Variants in GRID2 observed in about 807,000 individuals in gnomAD.
GRID2 encodes the protein glutamate ionotropic receptor delta type subunit 2.
A neutral mutation model predicts 114.8 loss-of-function variants in GRID2; 33 were observed. That is an observed-to-expected ratio of 0.29 (90% CI 0.22 to 0.38). The LOEUF is 0.38. GRID2 is among the 10% of genes least tolerant of loss of function. GRID2 has a pLI of 1.00. For synonymous variants in GRID2, 505 were observed against 449.9 expected, an observed-to-expected ratio of 1.12 and a Z score of -1.55; for missense variants, 1,184 against 1,257.7, an observed-to-expected ratio of 0.94 and a Z score of 0.89.
intron 2 of GRID2, among the ~76,000 whole-genome samples, chr4:92,760,237 C>CAAAAAAA (rs982301426): frequency 5.2e-4 from 20 of 38,356 alleles, no homozygotes; most frequent in Non-Finnish European, 9.5e-4. Context: ...GACTCTGTCT[C>CAAAAAAA]AAAAAAAAAA....
intron 1 of GRID2, among the ~76,000 whole-genome samples, chr4:92,506,542 A>G (rs1476762615): frequency 6.6e-6 from 1 of 152,010 alleles, no homozygotes; most frequent in African/African-American, 2.4e-5. Context: ...AAAGTTTGTC[A>G]TGACTATGAA....
chr4:93,792,872 C>T (rs1000922721), intron 1 of GRID2, among the ~76,000 whole-genome samples: 1 of 152,118 alleles, frequency 6.6e-6, no homozygotes, highest in Non-Finnish European at 1.5e-5. Flanking sequence ...TTTGTGAGTG[C>T]CAGCTGGAGG....
chr4:92,542,548 G>C (rs574131985), intron 1 of GRID2, among the ~76,000 whole-genome samples: 87 of 151,906 alleles, frequency 5.7e-4, no homozygotes, highest in African/African-American at 2.1e-3. Flanking sequence ...AACAAACATC[G>C]TATGTTCTCA....
chr4:93,088,391 A>T (rs1315105096), intron 3 of GRID2, among the ~76,000 whole-genome samples: 2 of 152,172 alleles, frequency 1.3e-5, no homozygotes, highest in Admixed American at 6.6e-5. Flanking sequence ...ATGAGATAAA[A>T]AGTATTACAA....
intron 2 of GRID2, among the ~76,000 whole-genome samples, chr4:92,963,149 GGA>G (rs1752930502): frequency 2.6e-5 from 4 of 152,126 alleles, no homozygotes; most frequent in African/African-American, 9.6e-5. Context: ...TTTTGCTGGT[GGA>G]GAGTCTTGCC....
At chr4:92,780,601 C>G (rs1302749983) in intron 2 of GRID2, among the ~76,000 whole-genome samples, 1 of 151,974 alleles carries the variant, frequency 6.6e-6, no homozygotes, top group Non-Finnish European at 1.5e-5. Flanking sequence ...CCTTTTATGC[C>G]TTTTGTAGCA....
chr4:92,791,905 T>C (rs1392498195), intron 2 of GRID2, among the ~76,000 whole-genome samples: 1 of 151,878 alleles, frequency 6.6e-6, no homozygotes, highest in Non-Finnish European at 1.5e-5. Flanking sequence ...GGTTCTTTAG[T>C]GTAGGGCCTC....
intron 2 of GRID2, among the ~76,000 whole-genome samples, chr4:92,965,542 G>A (rs1371130503): frequency 1.4e-5 from 2 of 144,646 alleles, no homozygotes; most frequent in Admixed American, 1.4e-4. Context: ...AATGAGGTAT[G>A]GCTATATCTG....
At chr4:92,424,503 A>T (rs1056623067) in intron 1 of GRID2, among the ~76,000 whole-genome samples, 1 of 152,056 alleles carries the variant, frequency 6.6e-6, no homozygotes, top group Non-Finnish European at 1.5e-5. Flanking sequence ...AGAAATGCTC[A>T]TGATGATGAC....
chr4:93,403,856 T>C (rs1353176806), intron 9 of GRID2, among the ~76,000 whole-genome samples: 1 of 152,124 alleles, frequency 6.6e-6, no homozygotes. Flanking sequence ...CACTACATGA[T>C]TACAAATTCC....
chr4:92,946,158 C>CA (rs954962999), intron 2 of GRID2, among the ~76,000 whole-genome samples: 1 of 152,036 alleles, frequency 6.6e-6, no homozygotes, highest in South Asian at 2.1e-4. Flanking sequence ...TTCATTGACA[C>CA]AAAAAATGGC....
Position 92,936,111 on chromosome 4 carries a change from G to T in GRID2, c.245-148884G>T, listed in dbSNP as rs144058245. Among the ~76,000 whole-genome samples the T allele has an allele frequency of 2.4e-3, 348 of 146,674 alleles. 10 individuals carry two copies. The highest frequency in any genetic ancestry group is 7.4e-3 in the African/African-American group (305 of 41,244). On this transcript the variant is annotated intron_variant, in intron 2 of 15. Transcript: ENST00000282020. ...GTTTATATTGAAATGTTAAACAAAA[G>T]AAATGCACTTTTAAAATTATAAAGT...
chr4:93,130,761 A>C (rs1428362493), intron 4 of GRID2, among the ~76,000 whole-genome samples: 1 of 152,170 alleles, frequency 6.6e-6, no homozygotes, highest in Non-Finnish European at 1.5e-5. Flanking sequence ...TATATAGCCT[A>C]ATATATTGCA....
chr4:93,460,661 G>C (rs1341988339), intron 11 of GRID2, among the ~76,000 whole-genome samples: 2 of 151,988 alleles, frequency 1.3e-5, no homozygotes, highest in Non-Finnish European at 2.9e-5. Flanking sequence ...TTTGCTTATA[G>C]TTAAGTGCCT....
At chr4:93,228,288 G>A (rs1241390639) in intron 7 of GRID2, among the ~76,000 whole-genome samples, 2 of 152,084 alleles carry the variant, frequency 1.3e-5, no homozygotes, top group African/African-American at 2.4e-5. Flanking sequence ...ACACCACATG[G>A]CAAGCAAGCG....
At chr4:92,569,443 G>A (rs568816722) in intron 1 of GRID2, among the ~76,000 whole-genome samples, 1 of 152,184 alleles carries the variant, frequency 6.6e-6, no homozygotes, top group Non-Finnish European at 1.5e-5. Context: ...TCACGTGCAT[G>A]TATCTTTATA....
chr4:93,804,699 A>G lies in GRID2; in HGVS notation c.222-2016A>G, dbSNP rs538464522. Among the ~76,000 whole-genome samples the G allele has an allele frequency of 3.3e-4, 50 of 152,312 alleles. No individual in the cohort carries two copies. In the South Asian group the frequency reaches 9.5e-3, roughly 29 times the overall value. On this transcript the variant is annotated intron_variant, in intron 1 of 1. Transcript: ENST00000637838. ...TAGAATTTAATGATTCTAATACAGC[A>G]GAAGAGTTGTTTGCTGCACAACTTT...
At chr4:92,325,427 A>C (rs1172864510) in intron 1 of GRID2, among the ~76,000 whole-genome samples, 3 of 151,858 alleles carry the variant, frequency 2.0e-5, no homozygotes, top group African/African-American at 7.2e-5. Flanking sequence ...AAACTTCATA[A>C]ATATAATAAA....
intron 1 of GRID2, among the ~76,000 whole-genome samples, chr4:92,318,402 G>A (rs1289576642): frequency 6.7e-6 from 1 of 148,652 alleles, no homozygotes; most frequent in East Asian, 2.0e-4. Context: ...CTTTAGTTAG[G>A]GAATAAGTTG....
Sources: allele counts gnomAD v4.1 joint callset (sites outside exome capture counted in the v4.1 genomes callset), GRCh38; gene constraint gnomAD v4.1.1; transcripts MANE v1.5; gene names NCBI Gene and HGNC (gene_info 2026-07-23, HGNC 2026-07-21).